PDE1A: variants seen among roughly 807,000 people sequenced by gnomAD.
PDE1A encodes phosphodiesterase 1A, also known as dual specificity calcium/calmodulin-dependent 3',5'-cyclic nucleotide phosphodiesterase 1A.
A neutral mutation model predicts 61.7 loss-of-function variants in PDE1A; 35 were observed. That is an observed-to-expected ratio of 0.57 (90% CI 0.43 to 0.75). PDE1A has a LOEUF of 0.75. Among genes scored for constraint, PDE1A ranks in the 30% least tolerant of loss-of-function variants. The pLI, the probability that PDE1A is intolerant of heterozygous loss-of-function variation, is 0.00. For missense variants in PDE1A, 597 were observed against 630.6 expected (o/e 0.95, Z 0.57); for synonymous variants, 232 against 213.2 (o/e 1.09, Z -0.77).
chr2:182,191,253 A>G (rs1437759647), intron 10 of PDE1A, among the ~76,000 whole-genome samples: 2 of 152,060 alleles, frequency 1.3e-5, no homozygotes, highest in African/African-American at 4.8e-5. Flanking sequence ...GTGCGAATGG[A>G]AAGGAGGAGT....
At chr2:182,568,092 C>T in the PDE1A span, among the ~76,000 whole-genome samples, 9 of 152,158 alleles carry the variant, frequency 5.9e-5, no homozygotes, top group African/African-American at 1.9e-4. Context: ...AGTCACTGCG[C>T]CCGCGCCCGG....
chr2:182,612,462 G>A, the PDE1A span, among the ~76,000 whole-genome samples: 1 of 152,060 alleles, frequency 6.6e-6, no homozygotes, highest in Admixed American at 6.6e-5. Context: ...AAATTTATTT[G>A]GGTTTGAGCA....
the PDE1A span, among the ~76,000 whole-genome samples, chr2:182,689,394 A>T: frequency 6.6e-6 from 1 of 152,206 alleles, no homozygotes; most frequent in Non-Finnish European, 1.5e-5. Context: ...CCGCTCAACT[A>T]CATGGAAACT....
chr2:182,244,955 C>T (rs915151994), intron 2 of PDE1A, among the ~76,000 whole-genome samples: 8 of 152,196 alleles, frequency 5.3e-5, no homozygotes, highest in Admixed American at 4.6e-4. Context: ...TTTCTCTGCT[C>T]TACAGCCCAG....
chr2:182,634,466 A>G, the PDE1A span, among the ~76,000 whole-genome samples: 4 of 152,234 alleles, frequency 2.6e-5, no homozygotes, highest in Admixed American at 2.0e-4. Context: ...AAGGCAGACT[A>G]AAGAGCACAC....
At chr2:182,452,677 A>G (rs1385293511) in intron 2 of PDE1A, among the ~76,000 whole-genome samples, 1 of 152,160 alleles carries the variant, frequency 6.6e-6, no homozygotes, top group African/African-American at 2.4e-5. Flanking sequence ...CAAGCAAAAA[A>G]GGTGACAACT....
At chr2:182,262,562 C>T (rs963756682) in intron 2 of PDE1A, among the ~76,000 whole-genome samples, 11 of 152,144 alleles carry the variant, frequency 7.2e-5, no homozygotes, top group African/African-American at 2.7e-4. Flanking sequence ...AGCCACTGTG[C>T]CCAGCCTGTT....
intron 2 of PDE1A, among the ~76,000 whole-genome samples, chr2:182,469,544 A>T (rs1686892893): frequency 6.6e-6 from 1 of 151,986 alleles, no homozygotes; most frequent in Admixed American, 6.6e-5. Flanking sequence ...AACTTTCTCC[A>T]TATCAGCAAT....
At chr2:182,569,191 T>G in the PDE1A span, among the ~76,000 whole-genome samples, 1 of 151,198 alleles carries the variant, frequency 6.6e-6, no homozygotes, top group Non-Finnish European at 1.5e-5. Flanking sequence ...AGGTCAAGGC[T>G]GCAGTGAGCC....
chr2:182,209,740 C>T (rs924346031), intron 7 of PDE1A, among the ~76,000 whole-genome samples: 3 of 151,934 alleles, frequency 2.0e-5, no homozygotes, highest in African/African-American at 7.3e-5. Context: ...TGAAAATATG[C>T]TTGCTTCCCC....
At chr2:182,708,785 T>C in the PDE1A span, among the ~76,000 whole-genome samples, 1 of 152,334 alleles carries the variant, frequency 6.6e-6, no homozygotes, top group Non-Finnish European at 1.5e-5. Flanking sequence ...ACTAACAGTG[T>C]GACATTGGCA....
At chr2:182,480,839 G>A (rs1452391033) in intron 2 of PDE1A, among the ~76,000 whole-genome samples, 4 of 151,860 alleles carry the variant, frequency 2.6e-5, no homozygotes, top group Non-Finnish European at 4.4e-5. Context: ...GAAGAAGAAG[G>A]AGGCTATGCT....
At chr2:182,501,275 T>C (rs1689068908) in intron 2 of PDE1A, among the ~76,000 whole-genome samples, 1 of 152,276 alleles carries the variant, frequency 6.6e-6, no homozygotes, top group South Asian at 2.1e-4. Flanking sequence ...ACTTTAAATT[T>C]GCCATCCACC....
At chr2:182,688,679 T>C in the PDE1A span, among the ~76,000 whole-genome samples, 5 of 152,048 alleles carry the variant, frequency 3.3e-5, no homozygotes, top group Non-Finnish European at 7.4e-5. Flanking sequence ...CACATAACAA[T>C]ACTAACCTTA....
the PDE1A span, among the ~76,000 whole-genome samples, chr2:182,656,701 A>G: frequency 1.3e-5 from 2 of 152,248 alleles, no homozygotes; most frequent in Non-Finnish European, 2.9e-5. Context: ...TAGGCATACC[A>G]TATTTGTATT....
chr2:182,460,433 G>A (rs1030263032), intron 2 of PDE1A, among the ~76,000 whole-genome samples: 2 of 152,132 alleles, frequency 1.3e-5, no homozygotes, highest in Non-Finnish European at 2.9e-5. Context: ...GAGATGGGGT[G>A]TCACTATGTT....
chr2:182,387,717 A>G (rs1701195345), intron 1 of PDE1A, among the ~76,000 whole-genome samples: 1 of 151,962 alleles, frequency 6.6e-6, no homozygotes, highest in Admixed American at 6.6e-5. Context: ...AGATCATACC[A>G]TTGCACTCCA....
At chr2:182,437,511 A>G (rs1684513801) in intron 2 of PDE1A, among the ~76,000 whole-genome samples, 1 of 151,940 alleles carries the variant, frequency 6.6e-6, no homozygotes, top group South Asian at 2.1e-4. Flanking sequence ...CCAATAAAAG[A>G]GCTGTTGCCA....
chr2:182,425,409 C>T (rs1017801625), intron 1 of PDE1A, among the ~76,000 whole-genome samples: 3 of 152,110 alleles, frequency 2.0e-5, no homozygotes, highest in Non-Finnish European at 4.4e-5. Context: ...TATTTACCAA[C>T]ATCATTGCAT....
Sources: gnomAD v4.1 joint callset for allele counts (sites outside exome capture counted in the v4.1 genomes callset) on GRCh38, gnomAD v4.1.1 for gene constraint, MANE v1.5 for transcripts, NCBI Gene and HGNC (gene_info 2026-07-23, HGNC 2026-07-21) for gene names.